Variants in CARMIL2 observed in about 807,000 individuals in gnomAD.
CARMIL2 encodes capping protein regulator and myosin 1 linker 2.
In CARMIL2, 96 loss-of-function variants were observed where a neutral mutation model predicts 173.3. The observed-to-expected ratio is 0.55, with a 90% CI of 0.47 to 0.66. CARMIL2 has a LOEUF of 0.66. Among genes scored for constraint, CARMIL2 ranks in the 30% least tolerant of loss-of-function variants. The pLI is 0.00. For synonymous variants in CARMIL2, 830 were observed against 817.1 expected (o/e 1.02, Z -0.27); for missense variants, 1,771 against 1,906.7 (o/e 0.93, Z 1.33).
Position 67,653,048 on chromosome 16 carries a change from G to T in CARMIL2, c.2914G>T (p.Glu972Ter). The change falls in exon 29 of 38, where the codon GAG becomes TAG. Residue 972 changes from glutamate to a stop codon, truncating the protein, a stop_gained. Transcript: ENST00000334583. LOFTEE classifies it high-confidence loss of function. The surrounding 1 kb of genome is among the most constrained non-coding windows in gnomAD (Gnocchi z 7.4). ...TGCTGAGGAAGCGGAGCCGGAGCCC[G>T]AGCTGGCGGCTCCGGGAGAAGATGC... ...SAAEEAEPEPELAAPGEDAEP... is the reference protein window; with the variant it reads ...SAAEEAEPEP 7.9e-7 allele frequency: 1 copy of T among 1,272,006 alleles called. No individual in the cohort carries two copies. The highest frequency in any genetic ancestry group is 1.0e-6 in the Non-Finnish European group (1 of 997,486). 78.8% of individuals were successfully genotyped at this position (1,272,006 alleles called of 1,614,324 possible). A position where few individuals can be genotyped will look rare whatever the true frequency, so the allele number is the denominator to read the frequency against.
rs746358793 is a variant in CARMIL2 at position 67,646,081 on chromosome 16, G to T, written c.249+1G>T. ...GGCGCTGCAGGAGACACCCCCTCAG[G>T]TGAGACACCTAGTACCCTACCTGGG... On this transcript the variant is annotated splice_donor_variant, in intron 4 of 37. Coordinates refer to ENST00000334583, the MANE Select transcript of CARMIL2 (RefSeq NM_001013838.3). LOFTEE classifies it high-confidence loss of function. The surrounding 1 kb of genome is among the most constrained non-coding windows in gnomAD (Gnocchi z 4.6). 1 of 1,613,792 alleles carries T rather than the reference G, an allele frequency of 6.2e-7. No homozygotes were observed. Among genetic ancestry groups the T allele is most frequent in the Non-Finnish European group, 8.5e-7 (1 of 1,179,888 alleles).
rs1430504614 is a variant in CARMIL2, at chr16:67,657,234, C to T, written c.4118-5C>T. The T allele has an allele frequency of 6.2e-7, 1 of 1,613,494 alleles. No homozygotes were observed. Among genetic ancestry groups the T allele is most frequent in the East Asian group, 2.2e-5 (1 of 44,838 alleles). On this transcript the variant is annotated splice_polypyrimidine_tract_variant and splice_region_variant and intron_variant, in intron 36 of 37. Coordinates refer to ENST00000334583, the MANE Select transcript of CARMIL2 (RefSeq NM_001013838.3). The surrounding 1 kb of genome is among the most constrained non-coding windows in gnomAD (Gnocchi z 4.5). ...ACCCACCCCAAGCCTTTCTGTGTCC[C>T]TTAGAACGGCCCCTGAGGCTGCAGC... is the stretch of plus-strand genomic sequence containing the variant.
At position 67,649,986 on chromosome 16, in the gene CARMIL2, C is replaced by A; in HGVS notation, c.2082+18C>A. On this transcript the variant is annotated intron_variant, in intron 21 of 37. Coordinates refer to ENST00000334583, the MANE Select transcript of CARMIL2 (RefSeq NM_001013838.3). The surrounding 1 kb of genome is among the most constrained non-coding windows in gnomAD (Gnocchi z 6.7). ...TCCATCAGGTGGGCGTCCCCCTCTT[C>A]CCTTGCCCTTCTCTGCACGGTAACT... 6.2e-7 allele frequency: 1 copy of A among 1,613,532 alleles called. No individual in the cohort carries two copies. Among genetic ancestry groups the A allele is most frequent in the Non-Finnish European group, 8.5e-7 (1 of 1,179,756 alleles).
rs1001795517 is a variant in CARMIL2 at position 67,651,029 on chromosome 16, T to C, written c.2185-158T>C. 4 of 746,850 alleles carry C rather than the reference T, an allele frequency of 5.4e-6. No homozygotes were observed. The highest frequency in any genetic ancestry group is 6.4e-6 in the Non-Finnish European group (3 of 469,926). The allele number at this position is 746,850 out of a possible 1,614,324, so 46.3% of individuals were successfully genotyped here. On this transcript the variant is annotated intron_variant, in intron 22 of 37. Coordinates refer to ENST00000334583, the MANE Select transcript of CARMIL2 (RefSeq NM_001013838.3). This position sits in a 1 kb window ranked among gnomAD's most constrained non-coding sequence, Gnocchi z 4.2. Reference sequence around the variant, plus strand: ...CCTTAAAATGAACCAAAGCAACAGATAGTTCCTTCCCTCCTTGAACAGATA... The same window carrying C: ...CCTTAAAATGAACCAAAGCAACAGACAGTTCCTTCCCTCCTTGAACAGATA...
rs1288017463 is a variant in CARMIL2 at position 67,648,152 on chromosome 16, G to A, written c.1172G>A (p.Gly391Glu). 5 of 1,606,462 alleles carry A rather than the reference G, an allele frequency of 3.1e-6. No individual in the cohort carries two copies. The highest frequency in any genetic ancestry group is 1.1e-5 in the South Asian group (1 of 90,862). Residue 391 changes from glycine to glutamate, a missense_variant, in exon 14 of 38, where the codon GGA becomes GAA. Physicochemically the swap from Gly to Glu is moderately conservative, Grantham distance 98 (BLOSUM62 -2). Coordinates refer to ENST00000334583, the MANE Select transcript of CARMIL2 (RefSeq NM_001013838.3). This position sits in a 1 kb window ranked among gnomAD's most constrained non-coding sequence, Gnocchi z 6.1. ...LDTVRGCSVG[G>E]WMTGRADWRA... ...ACTGTGAGGGGGTGCTCCGTGGGGG[G>A]ATGGATGACCGGCAGGGCGGACTGG...
Position 67,654,385 on chromosome 16 carries a change from G to C in CARMIL2, c.3275G>C (p.Arg1092Pro). The change falls in exon 31 of 38, where the codon CGT (arginine) becomes CCT (proline). Residue 1092 changes from arginine (R) to proline (P), a missense_variant. Coordinates refer to ENST00000334583, the MANE Select transcript of CARMIL2 (RefSeq NM_001013838.3). ...GAGGGGGGCGCCACTCCTGTCCCCC[G>C]TACACTGCGAAAGAAGCTGGGCACC... ...ATEGGATPVPRTLRKKLGTLF... is the reference protein window; with the variant it reads ...ATEGGATPVPPTLRKKLGTLF... The C allele has an allele frequency of 6.2e-7, 1 of 1,607,076 alleles. No individual in the cohort carries two copies. The highest frequency in any genetic ancestry group is 2.2e-5 in the East Asian group (1 of 44,586).
chr16:67,656,184 C>T, intron 33 of CARMIL2, 44 bp from the exon 34 acceptor site: 3 of 1,611,560 alleles, frequency 1.9e-6, no homozygotes, highest in Non-Finnish European at 2.5e-6. Context: ...TTCTTCCCCT[C>T]ACCTCCAAGG....
chr16:67,656,443 C>T lies in CARMIL2; in HGVS notation c.3834C>T (p.Gly1278=), dbSNP rs772250294. 6.2e-7 allele frequency: 1 copy of T among 1,609,224 alleles called. No individual in the cohort carries two copies. Among genetic ancestry groups the T allele is most frequent in the African/African-American group, 1.3e-5 (1 of 74,924 alleles). ...CTACAGACCCTTCCTGCAGACCTGG[C>T]CCAGGGAGCCAGGGGCCTGAGTCTG... ...SVSADPSCRP[G]PGSQGPESAT... is the part of the protein sequence containing the mutation. The change falls in exon 35 of 38, where the codon GGC becomes GGT. Residue 1278 remains glycine (G), a synonymous_variant. Transcript: ENST00000334583.
At position 67,653,007 on chromosome 16, in the gene CARMIL2, C is replaced by G; in HGVS notation, c.2885-12C>G. 7.9e-7 allele frequency: 1 copy of G among 1,258,672 alleles called. No homozygotes were observed. The highest frequency in any genetic ancestry group is 1.4e-5 in the South Asian group (1 of 71,524). 78.0% of individuals were successfully genotyped at this position (1,258,672 alleles called of 1,614,324 possible). A position where few individuals can be genotyped will look rare whatever the true frequency, so the allele number is the denominator to read the frequency against. On this transcript the variant is annotated splice_polypyrimidine_tract_variant and intron_variant, in intron 28 of 37. Transcript: ENST00000334583. The surrounding 1 kb of genome is among the most constrained non-coding windows in gnomAD (Gnocchi z 7.4). ...CTCGGCGCTCGGTGCTCTTCTGGTG[C>G]TGTCCCCTCAGGTGCTGCTGAGGAA...
chr16:67,649,087 GA>G lies in CARMIL2; in HGVS notation c.1604del (p.Asp535AlafsTer3). On this transcript the variant is annotated frameshift_variant, in exon 18 of 38. Coordinates refer to ENST00000334583, the MANE Select transcript of CARMIL2 (RefSeq NM_001013838.3). LOFTEE classifies it high-confidence loss of function. The surrounding 1 kb of genome is among the most constrained non-coding windows in gnomAD (Gnocchi z 6.7). ...CGAGTCACCCCCAGGCTTCGGCTCAGACATGGTGACTCTGGTGCTGGCCATC... is the reference window on the plus strand; with the variant it reads ...CGAGTCACCCCCAGGCTTCGGCTCAGCATGGTGACTCTGGTGCTGGCCATC... The part of the protein sequence containing the change: ...LDLADNGFGS[D>X]MVTLVLAIGR... The G allele has an allele frequency of 6.2e-7, 1 of 1,612,898 alleles. No homozygotes were observed.
At chr16:67,647,258 G>A (rs752316687) in intron 9 of CARMIL2, 41 bp from the exon 10 acceptor site, 18 of 1,611,348 alleles carry the variant, frequency 1.1e-5, no homozygotes, top group Admixed American at 6.7e-5. Context: ...CCCGCTGAGG[G>A]CCAGGGTGCA....
In CARMIL2 at chr16:67,656,830, G is replaced by A; in HGVS notation, c.4066G>A (p.Ala1356Thr). Residue 1356 changes from alanine (A) to threonine (T), a missense_variant, in exon 36 of 38, where the codon GCA becomes ACA. Coordinates refer to ENST00000334583, the MANE Select transcript of CARMIL2 (RefSeq NM_001013838.3). ...CCAGCTGAGGCCGAGGCCTCTCTCG[G>A]CAGGGCGGCGAGCAGTGTCTGTGCA... Reference protein sequence around the residue: ...DGQLRPRPLSAGRRAVSVHED... With the variant: ...DGQLRPRPLSTGRRAVSVHED... 1 of 1,550,736 alleles carries A rather than the reference G, an allele frequency of 6.4e-7. No individual in the cohort carries two copies. Among genetic ancestry groups the A allele is most frequent in the Non-Finnish European group, 8.7e-7 (1 of 1,146,910 alleles).
Position 67,646,488 on chromosome 16 carries a change from C to T in CARMIL2, c.437C>T (p.Ser146Leu), listed in dbSNP as rs770638604. The T allele has an allele frequency of 2.5e-6, 4 of 1,613,408 alleles. No individual in the cohort carries two copies. Among genetic ancestry groups the T allele is most frequent in the East Asian group, 2.2e-5 (1 of 44,878 alleles). The change falls in exon 6 of 38, where the codon TCG becomes TTG. Residue 146 changes from serine to leucine, a missense_variant. By Grantham distance (145) the Ser-to-Leu change is moderately radical. Around this residue, in one of 3 missense-constraint regions of CARMIL2, gnomAD observed 944 missense variants for 975.6 expected, o/e 0.97. Transcript: ENST00000334583. This position sits in a 1 kb window ranked among gnomAD's most constrained non-coding sequence, Gnocchi z 4.6. Reference protein sequence around the residue: ...MLARLERSSPSESTDPCSPCG... With the variant: ...MLARLERSSPLESTDPCSPCG... ...GCTCGGCTGGAGAGAAGCAGCCCCT[C>T]GGAGTCCACTGACCCCTGCAGCCCC...
In CARMIL2 at chr16:67,651,372, C is replaced by G; in HGVS notation, c.2314-29C>G. ...TTCCCCTCTTAGTCAGGTGTCAGCT[C>G]GCAACTGCTTTTCCTCTTTGGCCCT... is the stretch of plus-strand genomic sequence containing the variant. On this transcript the variant is annotated intron_variant, in intron 23 of 37. Transcript: ENST00000334583. This position sits in a 1 kb window ranked among gnomAD's most constrained non-coding sequence, Gnocchi z 4.2. 1 of 1,601,090 alleles carries G rather than the reference C, an allele frequency of 6.2e-7. No individual in the cohort carries two copies. Among genetic ancestry groups the G allele is most frequent in the Non-Finnish European group, 8.5e-7 (1 of 1,170,908 alleles).
Position 67,646,423 on chromosome 16 carries a change from C to A in CARMIL2, c.375-3C>A. 6.2e-7 allele frequency: 1 copy of A among 1,613,236 alleles called. No individual in the cohort carries two copies. On this transcript the variant is annotated splice_polypyrimidine_tract_variant and splice_region_variant and intron_variant, in intron 5 of 37. Transcript: ENST00000334583. This position sits in a 1 kb window ranked among gnomAD's most constrained non-coding sequence, Gnocchi z 4.6. ...TGCCCCCTTCTCCTTAACCCCCTAC[C>A]AGGAAGCTATTCCGGAGGCCCACAC... is the stretch of plus-strand genomic sequence containing the variant.
In CARMIL2 at chr16:67,654,443, G is replaced by A; in HGVS notation, c.3333G>A (p.Arg1111=). The A allele has an allele frequency of 1.9e-6, 3 of 1,612,940 alleles. No homozygotes were observed. The highest frequency in any genetic ancestry group is 2.2e-5 in the South Asian group (2 of 90,966). ...CCTTCAAGAAGCCTCGTTCAACGCG[G>A]GGTCCACGGACTGATCTAGAGACCA... The part of the protein sequence containing the change: ...LFAFKKPRST[R]GPRTDLETSP... The change falls in exon 31 of 38, where the codon CGG becomes CGA. Residue 1111 remains arginine, a synonymous_variant. Coordinates refer to ENST00000334583, the MANE Select transcript of CARMIL2 (RefSeq NM_001013838.3).
rs1281799463 is a variant in CARMIL2 at position 67,652,679 on chromosome 16, G to A, written c.2884+141G>A. The A allele has an allele frequency of 1.5e-5, 12 of 814,742 alleles. No individual in the cohort carries two copies. The highest frequency in any genetic ancestry group is 2.3e-5 in the Non-Finnish European group (12 of 513,686). 50.5% of individuals were successfully genotyped at this position (814,742 alleles called of 1,614,324 possible). The stretch of plus-strand genomic sequence containing the variant: ...TTGACTGGGCCAGGTCGGGCCCCTT[G>A]TGCAACCTGCAAAGCTGGGGTCTGC... On this transcript the variant is annotated intron_variant, in intron 28 of 37. Transcript: ENST00000334583. The surrounding 1 kb of genome is among the most constrained non-coding windows in gnomAD (Gnocchi z 4.7).
Position 67,652,542 on chromosome 16 carries a change from AGTCAGG to A in CARMIL2, c.2884+6_2884+11del. ...CACCTGGTCCCCTTCATTCACAGTA[AGTCAGG>A]GCCTTGGGGGAGGGAGTTTACGTGG... On this transcript the variant is annotated splice_donor_5th_base_variant and intron_variant, in intron 28 of 37. Coordinates refer to ENST00000334583, the MANE Select transcript of CARMIL2 (RefSeq NM_001013838.3). This position sits in a 1 kb window ranked among gnomAD's most constrained non-coding sequence, Gnocchi z 4.7. 6.2e-7 allele frequency: 1 copy of A among 1,613,116 alleles called. No homozygotes were observed. The highest frequency in any genetic ancestry group is 8.5e-7 in the Non-Finnish European group (1 of 1,179,596).
In CARMIL2 at chr16:67,653,182, G is replaced by A. The variant is rs2052763026; in HGVS notation, c.3048G>A (p.Leu1016=). The A allele has an allele frequency of 2.7e-6, 3 of 1,116,442 alleles. No individual in the cohort carries two copies. Among genetic ancestry groups the A allele is most frequent in the Admixed American group, 1.0e-4 (2 of 19,596 alleles). The allele number at this position is 1,116,442 out of a possible 1,614,324, so 69.2% of individuals were successfully genotyped here. The change falls in exon 29 of 38, where the codon CTG becomes CTA. Residue 1016 remains leucine (L), a synonymous_variant. Transcript: ENST00000334583. The surrounding 1 kb of genome is among the most constrained non-coding windows in gnomAD (Gnocchi z 7.4). ...RMDLPLAGQP[L]RHPTRARPRP... ...ACCTGCCACTGGCGGGGCAGCCCCT[G>A]CGCCATCCGACCCGGGCCCGGCCGC...
Sources: gnomAD v4.1 joint callset for allele counts on GRCh38, gnomAD v4.1.1 for gene constraint, gnomAD v4.1.1 regional missense constraint, Gnocchi (gnomAD v3.1) non-coding constraint, MANE v1.5 for transcripts, NCBI Gene and HGNC (gene_info 2026-07-23, HGNC 2026-07-21) for gene names.